RBFOX1: variants seen among roughly 807,000 people sequenced by gnomAD.
RBFOX1 encodes RNA binding protein fox-1 homolog 1.
A neutral mutation model predicts 57.7 loss-of-function variants in RBFOX1; 8 were observed. The observed-to-expected ratio is 0.14, with a 90% CI of 0.08 to 0.25. The LOEUF (loss-of-function observed/expected upper bound fraction) is 0.25. RBFOX1 is among the 10% of genes least tolerant of loss of function. The pLI, the probability that RBFOX1 is intolerant of heterozygous loss-of-function variation, is 1.00. For missense variants in RBFOX1, 611 were observed against 548.5 expected (o/e 1.11, Z -1.14); for synonymous variants, 326 against 222.4 (o/e 1.47, Z -4.15).
At chr16:5,694,839 T>A (rs1354203963) in intron 3 of RBFOX1, among the ~76,000 whole-genome samples, 2 of 151,322 alleles carry the variant, frequency 1.3e-5, no homozygotes, top group Non-Finnish European at 2.9e-5. Flanking sequence ...ATTGGAGCGA[T>A]GGGGAGATGG....
intron 2 of RBFOX1, among the ~76,000 whole-genome samples, chr16:6,542,022 C>G (rs564960967): frequency 5.4e-4 from 82 of 151,986 alleles, no homozygotes; most frequent in African/African-American, 1.8e-3. Flanking sequence ...TCATAGCTCA[C>G]TGCAGCCTCA....
At chr16:6,139,258 A>G (rs2096693549) in intron 1 of RBFOX1, among the ~76,000 whole-genome samples, 1 of 152,140 alleles carries the variant, frequency 6.6e-6, no homozygotes, top group Non-Finnish European at 1.5e-5. Flanking sequence ...AGCATGAGGC[A>G]ACTGTTATTT....
intron 3 of RBFOX1, among the ~76,000 whole-genome samples, chr16:5,747,898 A>G (rs1482192946): frequency 6.6e-6 from 1 of 151,490 alleles, no homozygotes; most frequent in Non-Finnish European, 1.5e-5. Context: ...GATCTTAGTT[A>G]TTTCTTGCCT....
chr16:5,528,194 G>A (rs1348504575), intron 2 of RBFOX1, among the ~76,000 whole-genome samples: 1 of 152,148 alleles, frequency 6.6e-6, no homozygotes, highest in East Asian at 1.9e-4. Flanking sequence ...ACATTCCCGT[G>A]AGCTTCCTTG....
intron 1 of RBFOX1, among the ~76,000 whole-genome samples, chr16:5,373,854 G>C (rs1005101192): frequency 2.0e-5 from 3 of 152,120 alleles, no homozygotes; most frequent in South Asian, 4.1e-4. Flanking sequence ...TCCACCTGCC[G>C]TGGCCTCCCA....
chr16:6,157,252 CT>C (rs564690058), intron 1 of RBFOX1, among the ~76,000 whole-genome samples: 1 of 152,216 alleles, frequency 6.6e-6, no homozygotes, highest in Non-Finnish European at 1.5e-5. Flanking sequence ...GATGATACAA[CT>C]TTCAGTGTAC....
chr16:5,404,228 GC>G (rs1313023974), intron 1 of RBFOX1, among the ~76,000 whole-genome samples: 1 of 152,100 alleles, frequency 6.6e-6, no homozygotes, highest in Non-Finnish European at 1.5e-5. Context: ...TGCCTGGGAA[GC>G]CCTGACTTGA....
intron 4 of RBFOX1, among the ~76,000 whole-genome samples, chr16:7,254,954 A>C (rs569464518): frequency 1.3e-5 from 2 of 152,132 alleles, no homozygotes; most frequent in Admixed American, 1.3e-4. Flanking sequence ...TAATGGCTCA[A>C]CCGTTAATAA....
chr16:6,509,439 G>A (rs1316001511), intron 2 of RBFOX1, among the ~76,000 whole-genome samples: 1 of 152,168 alleles, frequency 6.6e-6, no homozygotes, highest in African/African-American at 2.4e-5. Context: ...GGCACAGAAA[G>A]AGGAACTTTG....
chr16:5,797,407 C>T (rs1282003713), intron 3 of RBFOX1, among the ~76,000 whole-genome samples: 1 of 152,188 alleles, frequency 6.6e-6, no homozygotes, highest in Non-Finnish European at 1.5e-5. Flanking sequence ...AGAAGTCACT[C>T]CCTACTTGAT....
intron 3 of RBFOX1, among the ~76,000 whole-genome samples, chr16:6,834,039 G>A (rs550767211): frequency 6.6e-6 from 1 of 150,404 alleles, no homozygotes; most frequent in Admixed American, 6.7e-5. Context: ...AAGGTTGGGG[G>A]TACCTGATCC....
chr16:7,643,021 A>G (rs2063107216), intron 11 of RBFOX1, among the ~76,000 whole-genome samples: 1 of 152,228 alleles, frequency 6.6e-6, no homozygotes, highest in African/African-American at 2.4e-5. Context: ...TTTAGCAGCC[A>G]TGACATTTGC....
intron 4 of RBFOX1, among the ~76,000 whole-genome samples, chr16:7,515,797 G>A (rs1017263928): frequency 1.3e-5 from 2 of 152,048 alleles, no homozygotes; most frequent in Non-Finnish European, 2.9e-5. Flanking sequence ...CCTCTAGGTT[G>A]GCCTCACGTG....
At chr16:6,150,446 C>T (rs200686236) in intron 1 of RBFOX1, among the ~76,000 whole-genome samples, 1 of 151,910 alleles carries the variant, frequency 6.6e-6, no homozygotes, top group African/African-American at 2.4e-5. Flanking sequence ...TCTGGAAATT[C>T]TTTCCTTTCT....
chr16:6,998,631 C>G (rs1406773037), intron 3 of RBFOX1, among the ~76,000 whole-genome samples: 1 of 152,032 alleles, frequency 6.6e-6, no homozygotes, highest in Non-Finnish European at 1.5e-5. Context: ...TTGGTGTCTC[C>G]AAATTGCAAT....
At position 7,197,585 on chromosome 16, in the gene RBFOX1, G is replaced by C. The variant is rs13333774; in HGVS notation, c.27+145487G>C. 5.4e-3 allele frequency among the ~76,000 whole-genome samples: 822 copies of C among 151,750 alleles called. 5 individuals are homozygous for C. Among genetic ancestry groups the C allele is most frequent in the African/African-American group, 0.019 (778 of 41,364 alleles). ...AATTCCACTTGGAAGTTTATTTGCA[G>C]TAACATTGAAAACAAGTACTCAAAC... On this transcript the variant is annotated intron_variant, in intron 4 of 15. Transcript: ENST00000550418.
chr16:7,473,464 C>T (rs1001603992), intron 4 of RBFOX1, among the ~76,000 whole-genome samples: 2 of 147,074 alleles, frequency 1.4e-5, no homozygotes, highest in Non-Finnish European at 3.0e-5. Context: ...ATTCAAGGTC[C>T]TTTATACATA....
At chr16:7,466,497 A>G (rs1221855425) in intron 4 of RBFOX1, among the ~76,000 whole-genome samples, 3 of 152,100 alleles carry the variant, frequency 2.0e-5, no homozygotes, top group African/African-American at 7.2e-5. Flanking sequence ...AGGGTGGTTA[A>G]TGGAGCCCAG....
chr16:7,564,865 TCTC>T (rs2091302963), intron 5 of RBFOX1, among the ~76,000 whole-genome samples: 1 of 152,162 alleles, frequency 6.6e-6, no homozygotes, highest in Non-Finnish European at 1.5e-5. Context: ...CTCCAGCCCT[TCTC>T]CTTTCAGAGG....
Sources: gnomAD v4.1 joint callset for allele counts (sites outside exome capture counted in the v4.1 genomes callset) on GRCh38, gnomAD v4.1.1 for gene constraint, MANE v1.5 for transcripts, NCBI Gene and HGNC (gene_info 2026-07-23, HGNC 2026-07-21) for gene names.